Variants in KLF8 observed in about 807,000 individuals in gnomAD.
KLF8 encodes KLF transcription factor 8, also known as Krueppel-like factor 8.
In KLF8, 10 loss-of-function variants were observed where a neutral mutation model predicts 18.2. The ratio of observed to expected loss-of-function variants is 0.55; its 90% CI spans 0.34 to 0.93. The LOEUF (loss-of-function observed/expected upper bound fraction) is 0.93. KLF8 is among the 40% of genes least tolerant of loss of function. The pLI, the probability that KLF8 is intolerant of heterozygous loss-of-function variation, is 0.02. For synonymous variants in KLF8, 109 were observed against 97.3 expected, an observed-to-expected ratio of 1.12 and a Z score of -0.71; for missense variants, 264 against 277.9, an observed-to-expected ratio of 0.95 and a Z score of 0.36.
At chrX:56,052,547 C>T in the KLF8 span, among the ~76,000 whole-genome samples, 1 of 111,724 alleles carries the variant, frequency 9.0e-6, no homozygotes, top group African/African-American at 3.3e-5. Context: ...TCAGTGTGCC[C>T]CTGCTGGGGG....
At chrX:56,115,280 T>TA in the KLF8 span, among the ~76,000 whole-genome samples, 1 of 110,762 alleles carries the variant, frequency 9.0e-6, no homozygotes, top group Non-Finnish European at 1.9e-5. Context: ...TAAGTCCATT[T>TA]AAAAAATATA....
chrX:56,047,320 G>T, the KLF8 span, among the ~76,000 whole-genome samples: 1 of 108,897 alleles, frequency 9.2e-6, no homozygotes, highest in Admixed American at 9.9e-5. Flanking sequence ...CAATGTGCAG[G>T]TTTGTTACAT....
chrX:56,143,669 C>T, the KLF8 span, among the ~76,000 whole-genome samples: 5 of 111,767 alleles, frequency 4.5e-5, no homozygotes, highest in African/African-American at 1.6e-4. Context: ...TTACTTCCTC[C>T]CATTTCTGAT....
chrX:55,987,236 C>A, the KLF8 span, among the ~76,000 whole-genome samples: 1 of 107,364 alleles, frequency 9.3e-6, no homozygotes, highest in Non-Finnish European at 1.9e-5. Context: ...TTTTAGAGTA[C>A]ATGTGCACAA....
At chrX:56,137,542 G>A in the KLF8 span, among the ~76,000 whole-genome samples, 1 of 99,073 alleles carries the variant, frequency 1.0e-5, no homozygotes, top group Non-Finnish European at 2.0e-5. Context: ...ACTCATAGGC[G>A]GGAATTGAAC....
At chrX:56,110,435 A>C in the KLF8 span, among the ~76,000 whole-genome samples, 1 of 111,826 alleles carries the variant, frequency 8.9e-6, no homozygotes, top group Non-Finnish European at 1.9e-5. Flanking sequence ...CTGTTGTTAA[A>C]CTGATGATTA....
At chrX:56,265,969 T>TATCAAACATATCA in intron 3 of KLF8, 1 of 934,864 alleles carries the variant, frequency 1.1e-6, no homozygotes, top group Non-Finnish European at 1.3e-6. Context: ...TATCTATCAG[T>TATCAAACATATCA]GACATATCAA....
Position 56,287,024 on chromosome X carries a change from T to G in KLF8, c.*2530T>G, listed in dbSNP as rs2067276000. On this transcript the variant is annotated 3_prime_UTR_variant, in exon 6 of 6. Coordinates refer to ENST00000468660, the MANE Select transcript of KLF8 (RefSeq NM_007250.5). ...CCTTTTTCAGAGTTCAGAACTGAAC[T>G]GCTCCCCTAAGACCTCAGAATCTTT... The G allele has an allele frequency of 8.9e-6, 1 of 111,885 alleles. No individual in the cohort carries two copies. The highest frequency in any genetic ancestry group is 3.7e-4 in the South Asian group (1 of 2,701). The allele number at this position is 111,885 out of a possible 1,213,427, so 9.2% of individuals were successfully genotyped here.
intron 3 of KLF8, chrX:56,265,996 T>A: frequency 1.1e-6 from 1 of 892,081 alleles, no homozygotes; most frequent in Non-Finnish European, 1.4e-6. Context: ...TCCTGGAACT[T>A]CCACATTATT....
the KLF8 span, among the ~76,000 whole-genome samples, chrX:56,057,387 G>A: frequency 1.8e-5 from 2 of 111,523 alleles, no homozygotes; most frequent in East Asian, 5.7e-4. Context: ...AGGGCAGGGT[G>A]CATGCATAGA....
the KLF8 span, among the ~76,000 whole-genome samples, chrX:56,164,638 A>G: frequency 9.7e-6 from 1 of 102,821 alleles, no homozygotes; most frequent in Non-Finnish European, 2.0e-5. Flanking sequence ...AGGATTTTAC[A>G]TTGATCACAA....
the KLF8 span, among the ~76,000 whole-genome samples, chrX:56,199,629 G>T: frequency 8.9e-6 from 1 of 111,826 alleles, no homozygotes; most frequent in Non-Finnish European, 1.9e-5. Context: ...TTACACTGTT[G>T]GTGGGAGTAT....
chrX:56,189,027 A>G, the KLF8 span, among the ~76,000 whole-genome samples: 1 of 111,819 alleles, frequency 8.9e-6, no homozygotes, highest in African/African-American at 3.3e-5. Flanking sequence ...AATGGGATCT[A>G]ATTAAACTCA....
At chrX:56,157,118 G>A in the KLF8 span, among the ~76,000 whole-genome samples, 1 of 105,878 alleles carries the variant, frequency 9.4e-6, no homozygotes, top group African/African-American at 3.4e-5. Context: ...ATCATTCTCA[G>A]CAAACTATTG....
At chrX:56,142,376 G>A in the KLF8 span, among the ~76,000 whole-genome samples, 2 of 110,961 alleles carry the variant, frequency 1.8e-5, no homozygotes, top group Admixed American at 9.7e-5. Context: ...TGCTCTCTTG[G>A]TTTTCCTCCT....
the KLF8 span, among the ~76,000 whole-genome samples, chrX:55,956,169 C>CTATCT: frequency 1.2e-4 from 10 of 81,860 alleles, no homozygotes; most frequent in African/African-American, 4.6e-4. Context: ...ATCTATCTAT[C>CTATCT]ATCTATCTAT....
chrX:56,034,774 G>C, the KLF8 span, among the ~76,000 whole-genome samples: 1 of 6,063 alleles, frequency 1.6e-4, no homozygotes, highest in African/African-American at 3.2e-4. Context: ...TTTTTTTTTT[G>C]AGATGGAGTC....
the KLF8 span, among the ~76,000 whole-genome samples, chrX:56,126,752 C>CTTTTTTT: frequency 1.4e-5 from 1 of 72,601 alleles, no homozygotes; most frequent in African/African-American, 4.3e-5. Context: ...TTCTTTCTTT[C>CTTTTTTT]TTTTTTTTTT....
At chrX:56,184,859 C>T in the KLF8 span, among the ~76,000 whole-genome samples, 1 of 111,793 alleles carries the variant, frequency 8.9e-6, no homozygotes, top group Non-Finnish European at 1.9e-5. Flanking sequence ...GACATCCACA[C>T]CAAAAACCCA....
Sources: allele counts gnomAD v4.1 joint callset (sites outside exome capture counted in the v4.1 genomes callset), GRCh38; gene constraint gnomAD v4.1.1; transcripts MANE v1.5; gene names NCBI Gene and HGNC (gene_info 2026-07-23, HGNC 2026-07-21).